CYSLTR2: variants seen among roughly 807,000 people sequenced by gnomAD.
CYSLTR2 encodes cysteinyl leukotriene receptor 2.
For synonymous variants in CYSLTR2, 179 were observed against 160.8 expected, an observed-to-expected ratio of 1.11 and a Z score of -0.86; for missense variants, 398 against 411.9, an observed-to-expected ratio of 0.97 and a Z score of 0.29.
chr13:48,658,987 T>C (rs1953064150), intron 1 of CYSLTR2, among the ~76,000 whole-genome samples: 1 of 151,674 alleles, frequency 6.6e-6, no homozygotes, highest in Non-Finnish European at 1.5e-5. Flanking sequence ...TAGGGAGCCA[T>C]TGAGGAGGCT....
In CYSLTR2 at chr13:48,687,439, C is replaced by A. The variant is rs571447319; in HGVS notation, c.-265-3773C>A. 3.9e-5 allele frequency among the ~76,000 whole-genome samples: 6 copies of A among 151,970 alleles called. No homozygotes were observed. The East Asian group carries it at 1.2e-3, about 29-fold the overall frequency. On this transcript the variant is annotated intron_variant, in intron 1 of 4. Coordinates refer to ENST00000682523, the MANE Select transcript of CYSLTR2 (RefSeq NM_001308476.3). ...TATCAATCATCTATGTATTATCTATCGATTATCATCTATCAATTATCCATC... is the reference window on the plus strand; with the variant it reads ...TATCAATCATCTATGTATTATCTATAGATTATCATCTATCAATTATCCATC...
intron 1 of CYSLTR2, among the ~76,000 whole-genome samples, chr13:48,687,398 TTGGTAG>T (rs1487461627): frequency 6.7e-4 from 102 of 151,340 alleles, no homozygotes; most frequent in African/African-American, 2.4e-3. Context: ...TAGATGATAA[TTGGTAG>T]ATTATCATCT....
At chr13:48,657,158 T>C (rs1157203075) in intron 1 of CYSLTR2, among the ~76,000 whole-genome samples, 1 of 152,382 alleles carries the variant, frequency 6.6e-6, no homozygotes, top group East Asian at 1.9e-4. Flanking sequence ...TTTATCTCTG[T>C]TGAACTTTAT....
intron 3 of CYSLTR2, among the ~76,000 whole-genome samples, chr13:48,695,510 T>C (rs1377560169): frequency 6.6e-6 from 1 of 151,856 alleles, no homozygotes; most frequent in Admixed American, 6.6e-5. Flanking sequence ...AATACAGTTA[T>C]GATGTAGAAC....
chr13:48,684,648 G>C (rs963802156), intron 1 of CYSLTR2, among the ~76,000 whole-genome samples: 1 of 152,076 alleles, frequency 6.6e-6, no homozygotes, highest in African/African-American at 2.4e-5. Flanking sequence ...CTATGAAATA[G>C]ATGTTACGTA....
At chr13:48,676,596 G>A (rs1423804303) in intron 1 of CYSLTR2, among the ~76,000 whole-genome samples, 1 of 152,148 alleles carries the variant, frequency 6.6e-6, no homozygotes, top group East Asian at 1.9e-4. Context: ...GTATAGAAGA[G>A]AAAAGAATTA....
intron 1 of CYSLTR2, among the ~76,000 whole-genome samples, chr13:48,655,735 G>T (rs1952982480): frequency 6.6e-6 from 1 of 152,196 alleles, no homozygotes; most frequent in Non-Finnish European, 1.5e-5. Context: ...CTAGCCTTAA[G>T]AACTGGAGGA....
At chr13:48,689,048 A>G (rs982946610) in intron 1 of CYSLTR2, among the ~76,000 whole-genome samples, 1 of 152,204 alleles carries the variant, frequency 6.6e-6, no homozygotes, top group African/African-American at 2.4e-5. Flanking sequence ...TGGCCGCATA[A>G]ATGTCTTCTT....
At chr13:48,657,936 A>G (rs1335540306) in intron 1 of CYSLTR2, among the ~76,000 whole-genome samples, 2 of 152,112 alleles carry the variant, frequency 1.3e-5, no homozygotes, top group African/African-American at 2.4e-5. Flanking sequence ...CATCACCTGA[A>G]TAACATTGTA....
chr13:48,659,346 T>C (rs1953072985), intron 1 of CYSLTR2, among the ~76,000 whole-genome samples: 1 of 152,192 alleles, frequency 6.6e-6, no homozygotes, highest in Non-Finnish European at 1.5e-5. Context: ...AGATGTTGAG[T>C]ACTTTCTGAT....
intron 1 of CYSLTR2, among the ~76,000 whole-genome samples, chr13:48,676,444 C>T (rs950350912): frequency 6.6e-6 from 1 of 152,332 alleles, no homozygotes; most frequent in South Asian, 2.1e-4. Flanking sequence ...TCTCTAAAAA[C>T]AGATGATGCT....
At chr13:48,698,451 C>T (rs1954253534) in intron 4 of CYSLTR2, among the ~76,000 whole-genome samples, 1 of 152,120 alleles carries the variant, frequency 6.6e-6, no homozygotes. Context: ...AAATAAAATC[C>T]TTTACAGACA....
In CYSLTR2 at chr13:48,680,795, CTTTTCTTT is replaced by C. The variant is rs1169622549; in HGVS notation, c.-265-10412_-265-10405del. 2.9e-4 allele frequency among the ~76,000 whole-genome samples: 32 copies of C among 110,588 alleles called. No homozygotes were observed. The South Asian group carries it at 5.1e-3, about 18-fold the overall frequency. The allele number at this position is 110,588 out of a possible 152,430, so 72.6% of individuals were successfully genotyped here. A position where few individuals can be genotyped will look rare whatever the true frequency, so the allele number is the denominator to read the frequency against. ...TTCTTTTCTTTCTTTCTTTTCTTTT[CTTTTCTTT>C]TTTTTTTTTTTTTTTTTGCAGTCTA... On this transcript the variant is annotated intron_variant, in intron 1 of 4. Coordinates refer to ENST00000682523, the MANE Select transcript of CYSLTR2 (RefSeq NM_001308476.3).
At chr13:48,668,364 G>C (rs1416161026) in intron 1 of CYSLTR2, among the ~76,000 whole-genome samples, 1 of 152,090 alleles carries the variant, frequency 6.6e-6, no homozygotes, top group African/African-American at 2.4e-5. Flanking sequence ...GAAGAGGGGG[G>C]AATAGGAAGA....
intron 4 of CYSLTR2, among the ~76,000 whole-genome samples, chr13:48,699,087 C>T (rs140207843): frequency 6.6e-6 from 1 of 152,090 alleles, no homozygotes; most frequent in South Asian, 2.1e-4. Flanking sequence ...ACTTTAACAC[C>T]CCACTGTCAA....
chr13:48,671,487 A>C (rs998679990), intron 1 of CYSLTR2, among the ~76,000 whole-genome samples: 10 of 152,142 alleles, frequency 6.6e-5, no homozygotes. Flanking sequence ...TTAGCATGAA[A>C]GGGTGTTGAA....
chr13:48,672,321 C>A (rs183090171), intron 1 of CYSLTR2, among the ~76,000 whole-genome samples: 176 of 152,140 alleles, frequency 1.2e-3, no homozygotes, highest in African/African-American at 4.0e-3. Context: ...CTTCTGCTGG[C>A]TTTTGAATTT....
At chr13:48,672,594 TGAG>T (rs1237838247) in intron 1 of CYSLTR2, among the ~76,000 whole-genome samples, 2,074 of 141,312 alleles carry the variant, frequency 0.015, 50 homozygotes, top group South Asian at 0.036. Context: ...TGGTTTTGAG[TGAG>T]TTTCTTTTCT....
chr13:48,695,493 T>C (rs915121752), intron 3 of CYSLTR2, among the ~76,000 whole-genome samples: 3 of 151,590 alleles, frequency 2.0e-5, no homozygotes, highest in Non-Finnish European at 4.4e-5. Flanking sequence ...GCCCAAATAT[T>C]GACATTAATA....
Sources: gnomAD v4.1 joint callset for allele counts (sites outside exome capture counted in the v4.1 genomes callset) on GRCh38, gnomAD v4.1.1 for gene constraint, MANE v1.5 for transcripts, NCBI Gene and HGNC (gene_info 2026-07-23, HGNC 2026-07-21) for gene names.